The following NCAM2 variants were observed in gnomAD, a reference collection of about 807,000 sequenced individuals.
NCAM2 encodes N-CAM-2.
A neutral mutation model predicts 98.1 loss-of-function variants in NCAM2; 30 were observed. That is an observed-to-expected ratio of 0.31 (90% confidence interval 0.23 to 0.41). The LOEUF (loss-of-function observed/expected upper bound fraction) is 0.41, where lower values mean the gene tolerates loss of function less well. NCAM2 is among the 10% of genes least tolerant of loss of function. The pLI is 1.00. For missense variants in NCAM2, 867 were observed against 1,005.8 expected, an observed-to-expected ratio of 0.86 and a Z score of 1.87; for synonymous variants, 368 against 342.4, an observed-to-expected ratio of 1.07 and a Z score of -0.83.
intron 1 of NCAM2, among the ~76,000 whole-genome samples, chr21:21,231,323 A>G (rs1286406779): frequency 2.0e-5 from 3 of 151,354 alleles, no homozygotes; most frequent in Non-Finnish European, 4.4e-5. Flanking sequence ...TCCCTTTTAT[A>G]ATTTAATGAG....
At chr21:21,026,855 C>CTTTTTTTTTTTTTT (rs752588922) in intron 1 of NCAM2, among the ~76,000 whole-genome samples, 2 of 126,800 alleles carry the variant, frequency 1.6e-5, no homozygotes, top group East Asian at 2.2e-4. Context: ...TCTTCTTCTT[C>CTTTTTTTTTTTTTT]TTTTTTTTTT....
intron 1 of NCAM2, among the ~76,000 whole-genome samples, chr21:21,254,757 G>A (rs1041915334): frequency 1.3e-5 from 2 of 151,976 alleles, no homozygotes; most frequent in African/African-American, 4.8e-5. Flanking sequence ...ATGTGTAGGG[G>A]TGTTAGAATA....
intron 1 of NCAM2, among the ~76,000 whole-genome samples, chr21:21,137,786 T>A (rs917210092): frequency 2.6e-5 from 4 of 151,950 alleles, no homozygotes; most frequent in Admixed American, 6.6e-5. Flanking sequence ...TAAGAGTGAT[T>A]TTTTTTTAGT....
chr21:21,383,681 T>C (rs2076205787), intron 9 of NCAM2, among the ~76,000 whole-genome samples: 1 of 152,168 alleles, frequency 6.6e-6, no homozygotes, highest in Non-Finnish European at 1.5e-5. Flanking sequence ...GCTGCCATTA[T>C]ATAATGAAAA....
At position 21,344,919 on chromosome 21, in the gene NCAM2, C is replaced by T. The variant is rs115652573; in HGVS notation, c.1044+6385C>T. 8.4e-3 allele frequency among the ~76,000 whole-genome samples: 1,282 copies of T among 152,182 alleles called. 17 individuals carry two copies. The highest frequency in any genetic ancestry group is 0.029 in the African/African-American group (1,213 of 41,524). On this transcript the variant is annotated intron_variant, in intron 8 of 17. Transcript: ENST00000400546. ...GTGTCACTCTTCTCCCAGCTTTATG[C>T]GGTCAGAAAATAGAGTGAGACTGTG...
intron 5 of NCAM2, among the ~76,000 whole-genome samples, chr21:21,303,438 T>C (rs1490204112): frequency 6.6e-6 from 1 of 152,102 alleles, no homozygotes; most frequent in Non-Finnish European, 1.5e-5. Flanking sequence ...ATTTATGTTA[T>C]CCCATGCCAT....
At chr21:21,256,379 A>G (rs1453044056) in intron 1 of NCAM2, among the ~76,000 whole-genome samples, 1 of 152,120 alleles carries the variant, frequency 6.6e-6, no homozygotes, top group Non-Finnish European at 1.5e-5. Flanking sequence ...AATGATGATA[A>G]TAGTAATATT....
intron 1 of NCAM2, among the ~76,000 whole-genome samples, chr21:21,134,803 T>C (rs2067009272): frequency 6.6e-6 from 1 of 151,020 alleles, no homozygotes; most frequent in Non-Finnish European, 1.5e-5. Context: ...AGTCTCAAGC[T>C]CCTGGGCTCA....
At chr21:21,200,340 A>G (rs1012517421) in intron 1 of NCAM2, among the ~76,000 whole-genome samples, 5 of 150,888 alleles carry the variant, frequency 3.3e-5, no homozygotes, top group Non-Finnish European at 7.4e-5. Context: ...CAGAAGTCGC[A>G]TGACTCATAT....
chr21:21,210,895 G>A (rs201682010), intron 1 of NCAM2, among the ~76,000 whole-genome samples: 2 of 150,950 alleles, frequency 1.3e-5, no homozygotes, highest in Admixed American at 6.6e-5. Flanking sequence ...GGAAATGGGA[G>A]AAGCCACTAG....
intron 1 of NCAM2, among the ~76,000 whole-genome samples, chr21:21,221,714 T>G (rs2070175546): frequency 6.6e-6 from 1 of 152,184 alleles, no homozygotes; most frequent in Non-Finnish European, 1.5e-5. Context: ...AGAAGCCATC[T>G]TCATAAAAAT....
intron 9 of NCAM2, 57 bp downstream of exon 9, chr21:21,374,070 T>G: frequency 1.9e-6 from 3 of 1,542,056 alleles, no homozygotes; most frequent in Non-Finnish European, 2.6e-6. Flanking sequence ...TTGAAACATA[T>G]GATTTTTCAA....
intron 1 of NCAM2, among the ~76,000 whole-genome samples, chr21:21,248,027 G>T (rs2071342410): frequency 6.6e-6 from 1 of 152,094 alleles, no homozygotes; most frequent in Admixed American, 6.6e-5. Flanking sequence ...AGGCACTTGT[G>T]CATGTGTGTG....
chr21:21,176,594 A>G (rs979343453), intron 1 of NCAM2, among the ~76,000 whole-genome samples: 22 of 152,106 alleles, frequency 1.4e-4, no homozygotes, highest in African/African-American at 5.3e-4. Flanking sequence ...TGAAACATGA[A>G]CAAAATAAGA....
At chr21:21,278,863 A>G (rs993457473) in intron 1 of NCAM2, among the ~76,000 whole-genome samples, 1 of 152,126 alleles carries the variant, frequency 6.6e-6, no homozygotes, top group African/African-American at 2.4e-5. Flanking sequence ...ATTTCTTTAA[A>G]TACTTTCAAT....
At chr21:21,472,950 A>G (rs1250865138) in intron 14 of NCAM2, among the ~76,000 whole-genome samples, 4 of 145,444 alleles carry the variant, frequency 2.8e-5, no homozygotes, top group African/African-American at 1.1e-4. Context: ...TTCCAAATGT[A>G]TATATATACA....
At chr21:21,481,661 G>T (rs375012077) in intron 15 of NCAM2, among the ~76,000 whole-genome samples, 1 of 152,244 alleles carries the variant, frequency 6.6e-6, no homozygotes, top group East Asian at 1.9e-4. Context: ...TCAAGGAGTC[G>T]TGGAGCAATC....
At chr21:21,135,485 G>A (rs2067029505) in intron 1 of NCAM2, among the ~76,000 whole-genome samples, 1 of 152,142 alleles carries the variant, frequency 6.6e-6, no homozygotes, top group Non-Finnish European at 1.5e-5. Context: ...CGATAGAACT[G>A]AAGTTACTTA....
intron 1 of NCAM2, among the ~76,000 whole-genome samples, chr21:21,167,784 G>C (rs2067998771): frequency 6.6e-6 from 1 of 152,110 alleles, no homozygotes; most frequent in South Asian, 2.1e-4. Flanking sequence ...CAGATTATCT[G>C]ACTAGGCCCT....
Sources: gnomAD v4.1 joint callset for allele counts (sites outside exome capture counted in the v4.1 genomes callset) on GRCh38, gnomAD v4.1.1 for gene constraint, MANE v1.5 for transcripts, NCBI Gene and HGNC (gene_info 2026-07-23, HGNC 2026-07-21) for gene names.